Variants in ELAPOR1 observed in about 807,000 individuals in gnomAD.
ELAPOR1 encodes endosome/lysosome-associated apoptosis and autophagy regulator 1.
A neutral mutation model predicts 119.7 loss-of-function variants in ELAPOR1; 77 were observed. The observed-to-expected ratio is 0.64, with a 90% CI of 0.54 to 0.78. ELAPOR1 has a LOEUF of 0.78. Among genes scored for constraint, ELAPOR1 ranks in the 30% least tolerant of loss-of-function variants. The pLI, the probability that ELAPOR1 is intolerant of heterozygous loss-of-function variation, is 0.00. For missense variants in ELAPOR1, 1,115 were observed against 1,270.4 expected, an observed-to-expected ratio of 0.88 and a Z score of 1.86; for synonymous variants, 481 against 487.2, an observed-to-expected ratio of 0.99 and a Z score of 0.17.
rs1166305852 is a variant in ELAPOR1, at chr1:109,205,498, C to T, written c.*2486C>T. Reference sequence around the variant, plus strand: ...CTTTGGGTATCCAAATTCTCCCCTCCTTTTGTAGGAGTCAGGCTCTCAGAA... The same window carrying T: ...CTTTGGGTATCCAAATTCTCCCCTCTTTTTGTAGGAGTCAGGCTCTCAGAA... On this transcript the variant is annotated 3_prime_UTR_variant, in exon 22 of 22. Coordinates refer to ENST00000369939, the MANE Select transcript of ELAPOR1 (RefSeq NM_020775.5). 6.6e-6 allele frequency: 1 copy of T among 152,172 alleles called. No homozygotes were observed. The highest frequency in any genetic ancestry group is 1.5e-5 in the Non-Finnish European group (1 of 68,028). The allele number at this position is 152,172 out of a possible 1,614,324, so 9.4% of individuals were successfully genotyped here.
At chr1:109,134,573 T>A (rs1413875693) in intron 1 of ELAPOR1, among the ~76,000 whole-genome samples, 1 of 152,182 alleles carries the variant, frequency 6.6e-6, no homozygotes, top group Non-Finnish European at 1.5e-5. Flanking sequence ...AGCCAGCTTT[T>A]ATGGCAGTGC....
At chr1:109,153,954 T>A (rs1049951134) in intron 1 of ELAPOR1, among the ~76,000 whole-genome samples, 2 of 152,118 alleles carry the variant, frequency 1.3e-5, no homozygotes, top group African/African-American at 2.4e-5. Context: ...CAGGTATTAC[T>A]TTGATAATTA....
chr1:109,196,604 T>C (rs1483877376), intron 15 of ELAPOR1, among the ~76,000 whole-genome samples: 2 of 150,986 alleles, frequency 1.3e-5, no homozygotes, highest in Non-Finnish European at 2.9e-5. Flanking sequence ...TTTATTGTAA[T>C]GTAAAGGTTT....
chr1:109,200,937 A>C (rs777801353), intron 21 of ELAPOR1, 37 bp downstream of exon 21: 3 of 1,593,410 alleles, frequency 1.9e-6, no homozygotes, highest in East Asian at 4.5e-5. Context: ...GTCAGCCTGG[A>C]GGGCTGGAGG....
intron 1 of ELAPOR1, among the ~76,000 whole-genome samples, chr1:109,154,057 G>A (rs1404060304): frequency 6.6e-6 from 1 of 151,692 alleles, no homozygotes; most frequent in Non-Finnish European, 1.5e-5. Flanking sequence ...CGAGGCGGGC[G>A]GATCACCTGA....
At chr1:109,140,135 C>A (rs1281684751) in intron 1 of ELAPOR1, among the ~76,000 whole-genome samples, 1 of 143,080 alleles carries the variant, frequency 7.0e-6, no homozygotes, top group African/African-American at 2.7e-5. Context: ...CTGTATTAAC[C>A]AATGTGGTAT....
intron 1 of ELAPOR1, among the ~76,000 whole-genome samples, chr1:109,133,225 G>A (rs899893121): frequency 6.6e-6 from 1 of 151,868 alleles, no homozygotes; most frequent in African/African-American, 2.4e-5. Context: ...GCAAGACCTT[G>A]TCTCAAAGAA....
At chr1:109,120,171 G>A (rs538228810) in intron 1 of ELAPOR1, among the ~76,000 whole-genome samples, 2 of 152,264 alleles carry the variant, frequency 1.3e-5, no homozygotes, top group South Asian at 4.1e-4. Flanking sequence ...GCCGAGGCAG[G>A]CTGATCGCTT....
rs527576269 is a variant in ELAPOR1, at chr1:109,152,195, G to A, written c.154-9699G>A. On this transcript the variant is annotated intron_variant, in intron 1 of 21. Coordinates refer to ENST00000369939, the MANE Select transcript of ELAPOR1 (RefSeq NM_020775.5). Reference sequence around the variant, plus strand: ...CGCTGCTAATTTTGACATTCTCCCCGAAGAATCTGCTTTTTAGGGACTATG... The same window carrying A: ...CGCTGCTAATTTTGACATTCTCCCCAAAGAATCTGCTTTTTAGGGACTATG... Among the ~76,000 whole-genome samples, 234 of 152,172 alleles carry A rather than the reference G, an allele frequency of 1.5e-3. 1 individual carries two copies. The highest frequency in any genetic ancestry group is 2.8e-3 in the Non-Finnish European group (193 of 67,994).
chr1:109,140,293 T>C (rs561647889), intron 1 of ELAPOR1, among the ~76,000 whole-genome samples: 2 of 152,266 alleles, frequency 1.3e-5, no homozygotes, highest in South Asian at 2.1e-4. Context: ...TATATATTTT[T>C]AGTTGAATTA....
intron 3 of ELAPOR1, among the ~76,000 whole-genome samples, chr1:109,165,597 A>G (rs893497771): frequency 2.8e-4 from 43 of 151,844 alleles, no homozygotes; most frequent in Admixed American, 1.1e-3. Context: ...AAAAAAAAAA[A>G]AAAGAAAAAC....
rs541906486 is a variant in ELAPOR1 at position 109,157,888 on chromosome 1, C to G, written c.154-4006C>G. 4.6e-5 allele frequency among the ~76,000 whole-genome samples: 7 copies of G among 152,212 alleles called. No homozygotes were observed. The East Asian group carries it at 1.4e-3, about 29-fold the overall frequency. On this transcript the variant is annotated intron_variant, in intron 1 of 21. Transcript: ENST00000369939. The stretch of plus-strand genomic sequence containing the variant: ...TTACCTCCAATCTCTAGTCTATAAA[C>G]AGTTCCTTTTTTTATTTGAGACAGG...
chr1:109,156,790 C>T (rs1229512193), intron 1 of ELAPOR1, among the ~76,000 whole-genome samples: 3 of 152,132 alleles, frequency 2.0e-5, no homozygotes, highest in Non-Finnish European at 4.4e-5. Flanking sequence ...TCTTCATCCC[C>T]CTCATCCCAT....
At position 109,114,158 on chromosome 1, in the gene ELAPOR1, T is replaced by A; in HGVS notation, c.-26T>A. 6.5e-7 allele frequency: 1 copy of A among 1,526,740 alleles called. No individual in the cohort carries two copies. The highest frequency in any genetic ancestry group is 8.8e-7 in the Non-Finnish European group (1 of 1,133,758). 94.6% of individuals were successfully genotyped at this position (1,526,740 alleles called of 1,614,324 possible). A position where few individuals can be genotyped will look rare whatever the true frequency, so the allele number is the denominator to read the frequency against. On this transcript the variant is annotated 5_prime_UTR_variant, in exon 1 of 22. Transcript: ENST00000369939. ...GCAGCAGCCGCAGCACCTGAGCCGC[T>A]ACTGCCGCTCACTCAGGACAACGCT...
chr1:109,161,217 A>C (rs1232908474), intron 1 of ELAPOR1, among the ~76,000 whole-genome samples: 1 of 151,932 alleles, frequency 6.6e-6, no homozygotes, highest in African/African-American at 2.4e-5. Flanking sequence ...TGAGACCAGC[A>C]TGGCTAACAT....
chr1:109,184,207 A>G (rs1652915523), intron 7 of ELAPOR1, among the ~76,000 whole-genome samples: 1 of 152,190 alleles, frequency 6.6e-6, no homozygotes, highest in Non-Finnish European at 1.5e-5. Context: ...CTCCGTCTCT[A>G]CTAAAAATAC....
At chr1:109,121,033 G>A (rs1305184146) in intron 1 of ELAPOR1, among the ~76,000 whole-genome samples, 1 of 152,212 alleles carries the variant, frequency 6.6e-6, no homozygotes, top group Non-Finnish European at 1.5e-5. Flanking sequence ...GTCTTTCAGG[G>A]AAGTGCCCTG....
chr1:109,201,636 C>T (rs559886116), intron 21 of ELAPOR1, among the ~76,000 whole-genome samples: 81 of 152,194 alleles, frequency 5.3e-4, no homozygotes, highest in African/African-American at 1.8e-3. Context: ...GAAGAAAGGA[C>T]CGTGCTTGGG....
At chr1:109,157,994 C>T (rs1445496644) in intron 1 of ELAPOR1, among the ~76,000 whole-genome samples, 2 of 152,120 alleles carry the variant, frequency 1.3e-5, no homozygotes, top group African/African-American at 2.4e-5. Context: ...CTCAGGTCAT[C>T]CTCCCACCTT....
Sources: allele counts gnomAD v4.1 joint callset (sites outside exome capture counted in the v4.1 genomes callset), GRCh38; gene constraint gnomAD v4.1.1; transcripts MANE v1.5; gene names NCBI Gene and HGNC (gene_info 2026-07-23, HGNC 2026-07-21).